PPP1R12A: variants seen among roughly 807,000 people sequenced by gnomAD.
PPP1R12A encodes protein phosphatase 1 regulatory subunit 12A, also known as myosin binding subunit.
Under a neutral mutation model 139.6 loss-of-function variants are expected in PPP1R12A, and 19 were observed. The ratio of observed to expected loss-of-function variants is 0.14; its 90% confidence interval spans 0.09 to 0.20. The LOEUF (loss-of-function observed/expected upper bound fraction) is 0.20, where lower values mean the gene tolerates loss of function less well. PPP1R12A is among the 10% of genes least tolerant of loss of function. The pLI is 1.00. For synonymous variants in PPP1R12A, 427 were observed against 420.6 expected (o/e 1.02, Z -0.19); for missense variants, 925 against 1,211.5 (o/e 0.76, Z 3.51).
At chr12:79,893,737 T>C (rs868337354) in intron 1 of PPP1R12A, among the ~76,000 whole-genome samples, 44 of 152,218 alleles carry the variant, frequency 2.9e-4, no homozygotes, top group Middle Eastern at 3.2e-3. Flanking sequence ...TTTTCCTACA[T>C]GAAAAATGTG....
At chr12:79,792,005 T>G (rs1871936737) in intron 19 of PPP1R12A, among the ~76,000 whole-genome samples, 1 of 152,126 alleles carries the variant, frequency 6.6e-6, no homozygotes, top group African/African-American at 2.4e-5. Flanking sequence ...TAAAAAAGAT[T>G]AAAATATATA....
chr12:79,847,272 AC>A (rs1047747583), intron 2 of PPP1R12A, among the ~76,000 whole-genome samples: 31 of 152,300 alleles, frequency 2.0e-4, no homozygotes, highest in Admixed American at 2.6e-4. Flanking sequence ...TTCCCTTCTA[AC>A]ACCTGAAAAA....
chr12:79,868,589 T>C (rs1481560621), intron 2 of PPP1R12A, among the ~76,000 whole-genome samples: 1 of 152,212 alleles, frequency 6.6e-6, no homozygotes, highest in East Asian at 1.9e-4. Flanking sequence ...CCTTCTTGTT[T>C]CTTCACATGG....
chr12:79,902,537 G>C (rs1011193555), intron 1 of PPP1R12A, among the ~76,000 whole-genome samples: 2 of 151,988 alleles, frequency 1.3e-5, no homozygotes, highest in Non-Finnish European at 2.9e-5. Flanking sequence ...AGTTTTCAAA[G>C]AGATTTTTTA....
chr12:79,850,673 T>A (rs116054115), intron 2 of PPP1R12A, among the ~76,000 whole-genome samples: 1 of 152,164 alleles, frequency 6.6e-6, no homozygotes, highest in East Asian at 1.9e-4. Flanking sequence ...TGATACTGAA[T>A]TGCATTTCTT....
chr12:79,849,553 T>C (rs1219478045), intron 2 of PPP1R12A, among the ~76,000 whole-genome samples: 1 of 152,204 alleles, frequency 6.6e-6, no homozygotes, highest in Non-Finnish European at 1.5e-5. Context: ...GCTACTTGTG[T>C]GGCTATTAAT....
intron 5 of PPP1R12A, among the ~76,000 whole-genome samples, chr12:79,827,507 G>C (rs1417447077): frequency 6.6e-6 from 1 of 152,078 alleles, no homozygotes. Context: ...CACTAGAGGA[G>C]ACGTGTTTTG....
intron 14 of PPP1R12A, among the ~76,000 whole-genome samples, chr12:79,801,673 T>C (rs1185776072): frequency 6.6e-6 from 1 of 152,172 alleles, no homozygotes; most frequent in African/African-American, 2.4e-5. Context: ...TCTGTTTCTC[T>C]AAAACTAGAA....
chr12:79,789,905 C>T (rs887997697), intron 20 of PPP1R12A, among the ~76,000 whole-genome samples: 9 of 151,518 alleles, frequency 5.9e-5, no homozygotes, highest in African/African-American at 2.2e-4. Flanking sequence ...TCAGCCTCCC[C>T]AGCAGCTAGA....
intron 2 of PPP1R12A, among the ~76,000 whole-genome samples, chr12:79,864,345 T>C (rs533446961): frequency 1.6e-4 from 24 of 152,224 alleles, no homozygotes; most frequent in Admixed American, 3.3e-4. Context: ...AAGCAGTGTA[T>C]ACAGGGAAAT....
At chr12:79,820,034 G>T (rs564334325) in intron 8 of PPP1R12A, among the ~76,000 whole-genome samples, 2 of 147,146 alleles carry the variant, frequency 1.4e-5, no homozygotes, top group South Asian at 2.4e-4. Flanking sequence ...CCTACCATAT[G>T]AAAAAAACAC....
intron 1 of PPP1R12A, among the ~76,000 whole-genome samples, chr12:79,901,849 G>C (rs1289361440): frequency 6.6e-6 from 1 of 152,152 alleles, no homozygotes; most frequent in Non-Finnish European, 1.5e-5. Context: ...CAGGTTTCTG[G>C]AGAATAAGAC....
intron 18 of PPP1R12A, 130 bp downstream of exon 18, chr12:79,795,500 TAACAACTC>T (rs1369858639): frequency 1.0e-6 from 1 of 968,300 alleles, no homozygotes; most frequent in African/African-American, 1.7e-5. Flanking sequence ...TTTTCTTATT[TAACAACTC>T]AGAAAACACA....
Position 79,881,707 on chromosome 12 carries a change from A to G in PPP1R12A, c.238-8769T>C, listed in dbSNP as rs116026377. Among the ~76,000 whole-genome samples the G allele has an allele frequency of 5.4e-3, 822 of 152,342 alleles. 5 individuals carry two copies. Among genetic ancestry groups the G allele is most frequent in the African/African-American group, 0.019 (781 of 41,576 alleles). On this transcript the variant is annotated intron_variant, in intron 1 of 24. Transcript: ENST00000450142. ...ATAGCGTTTCACTGTAGACACGGCA[A>G]CCTTCTACTGGAAGAAGATGACATG...
At chr12:79,817,641 G>T in intron 8 of PPP1R12A, 123 bp from the exon 9 acceptor site, 1 of 912,470 alleles carries the variant, frequency 1.1e-6, no homozygotes, top group Non-Finnish European at 1.6e-6. Flanking sequence ...TTTCCCCACT[G>T]TGATTCCTTT....
At chr12:79,931,460 AAAGATTTT>A (rs1888247656) in intron 1 of PPP1R12A, among the ~76,000 whole-genome samples, 1 of 152,224 alleles carries the variant, frequency 6.6e-6, no homozygotes, top group Non-Finnish European at 1.5e-5. Flanking sequence ...AGGAAAAAGA[AAAGATTTT>A]AAGGCTAAAA....
chr12:79,852,439 AC>A (rs1880166292), intron 2 of PPP1R12A, among the ~76,000 whole-genome samples: 1 of 151,768 alleles, frequency 6.6e-6, no homozygotes, highest in Non-Finnish European at 1.5e-5. Context: ...CAGGTGATCC[AC>A]CCACCTTGGC....
Position 79,776,067 on chromosome 12 carries a change from A to C in PPP1R12A, c.3007-52T>G. 9.3e-6 allele frequency: 10 copies of C among 1,080,192 alleles called. 1 individual carries two copies. The highest frequency in any genetic ancestry group is 8.1e-6 in the Non-Finnish European group (6 of 743,138). 66.9% of individuals were successfully genotyped at this position (1,080,192 alleles called of 1,614,324 possible). ...GTTTTACCTTCAATATTAAAAGATA[A>C]AACATTATTCTTAATAAATGTTATA... On this transcript the variant is annotated intron_variant, in intron 24 of 24. Transcript: ENST00000450142.
chr12:79,935,180 GC>G, upstream of PPP1R12A: 1 of 1,334,958 alleles, frequency 7.5e-7, no homozygotes, highest in Non-Finnish European at 9.6e-7. Flanking sequence ...GTCACCGGCG[GC>G]CAATCTAACG....
Sources: gnomAD v4.1 joint callset for allele counts (sites outside exome capture counted in the v4.1 genomes callset) on GRCh38, gnomAD v4.1.1 for gene constraint, MANE v1.5 for transcripts, NCBI Gene and HGNC (gene_info 2026-07-23, HGNC 2026-07-21) for gene names.